The following WARS2 variants were observed in gnomAD, a reference collection of about 807,000 sequenced individuals.
WARS2 encodes tryptophan--tRNA ligase, mitochondrial.
In WARS2, 28 loss-of-function variants were observed where a neutral mutation model predicts 36.5. The ratio of observed to expected loss-of-function variants is 0.77; its 90% CI spans 0.57 to 1.05. The LOEUF (loss-of-function observed/expected upper bound fraction) is 1.05. Ranked by LOEUF, WARS2 falls within the 50% of genes least tolerant of loss-of-function variation. The pLI, the probability that WARS2 is intolerant of heterozygous loss-of-function variation, is 0.00. For synonymous variants in WARS2, 174 were observed against 178.4 expected (o/e 0.98, Z 0.20); for missense variants, 435 against 456.8 (o/e 0.95, Z 0.44).
chr1:119,116,352 G>A (rs1363739725), intron 1 of WARS2, among the ~76,000 whole-genome samples: 1 of 152,076 alleles, frequency 6.6e-6, no homozygotes, highest in African/African-American at 2.4e-5. Flanking sequence ...GAGTTGTTAG[G>A]GAGAAAAAAA....
intron 3 of WARS2, among the ~76,000 whole-genome samples, chr1:119,045,204 C>A (rs937348961): frequency 4.6e-5 from 7 of 152,168 alleles, no homozygotes; most frequent in Non-Finnish European, 1.0e-4. Flanking sequence ...CTTCTCTCCA[C>A]AATGAAAACA....
chr1:119,117,524 A>G (rs1655051707), intron 1 of WARS2, among the ~76,000 whole-genome samples: 2 of 152,208 alleles, frequency 1.3e-5, no homozygotes. Context: ...CTAATAGCAG[A>G]ACAACCCTGC....
At chr1:119,133,592 A>C (rs1413142726) in intron 1 of WARS2, among the ~76,000 whole-genome samples, 1 of 152,226 alleles carries the variant, frequency 6.6e-6, no homozygotes, top group Non-Finnish European at 1.5e-5. Flanking sequence ...TAAATGAGTT[A>C]ATGAATGTCA....
chr1:119,060,015 A>G (rs996119303), intron 2 of WARS2, among the ~76,000 whole-genome samples: 17 of 152,218 alleles, frequency 1.1e-4, no homozygotes, highest in Non-Finnish European at 1.5e-5. Context: ...TGATGAAATA[A>G]TCTGTACACC....
At chr1:119,137,621 C>A (rs1407909278) in intron 1 of WARS2, among the ~76,000 whole-genome samples, 1 of 152,172 alleles carries the variant, frequency 6.6e-6, no homozygotes, top group Non-Finnish European at 1.5e-5. Context: ...TGATGACAGG[C>A]TTAAATTTAC....
chr1:119,097,703 C>T (rs188609803), intron 1 of WARS2, among the ~76,000 whole-genome samples: 43 of 152,276 alleles, frequency 2.8e-4, no homozygotes, highest in Non-Finnish European at 4.9e-4. Context: ...CCTCGCCAGC[C>T]AGTGAAATCC....
intron 1 of WARS2, among the ~76,000 whole-genome samples, chr1:119,097,195 CTTTG>C (rs1212708487): frequency 1.3e-5 from 2 of 152,092 alleles, no homozygotes; most frequent in East Asian, 1.9e-4. Context: ...AAGTGATTTT[CTTTG>C]TTTATTTTCT....
At chr1:119,061,639 A>G (rs1650390130) in intron 2 of WARS2, among the ~76,000 whole-genome samples, 1 of 152,160 alleles carries the variant, frequency 6.6e-6, no homozygotes, top group Non-Finnish European at 1.5e-5. Flanking sequence ...TTATTTTTAC[A>G]GCATTAAAGT....
chr1:119,098,898 G>A (rs777041065), intron 1 of WARS2, among the ~76,000 whole-genome samples: 1 of 151,836 alleles, frequency 6.6e-6, no homozygotes, highest in Non-Finnish European at 1.5e-5. Flanking sequence ...CACCATGCCC[G>A]GCTAATTTTT....
chr1:119,057,286 C>T (rs1571289801), intron 2 of WARS2, among the ~76,000 whole-genome samples: 1 of 151,902 alleles, frequency 6.6e-6, no homozygotes, highest in African/African-American at 2.4e-5. Context: ...GCTGGGACTA[C>T]AAGTGCACAC....
intron 1 of WARS2, among the ~76,000 whole-genome samples, chr1:119,129,757 TTCTC>T (rs1383150510): frequency 2.0e-5 from 3 of 152,106 alleles, no homozygotes; most frequent in East Asian, 3.9e-4. Context: ...ATAAATCCCA[TTCTC>T]TCTAACAGAT....
At chr1:119,074,330 A>T (rs767353513) in intron 2 of WARS2, among the ~76,000 whole-genome samples, 1 of 152,234 alleles carries the variant, frequency 6.6e-6, no homozygotes, top group Non-Finnish European at 1.5e-5. Flanking sequence ...ACGGGGTAAG[A>T]TACAAATGGT....
intron 1 of WARS2, chr1:119,084,921 T>C (rs1331628124): frequency 2.0e-5 from 7 of 345,722 alleles, no homozygotes; most frequent in South Asian, 1.0e-4. Flanking sequence ...GATACAAAAA[T>C]AGTAACAATC....
chr1:119,071,971 GAAGAAA>G lies in WARS2; in HGVS notation c.348+4373_348+4378del, dbSNP rs1651351033. On this transcript the variant is annotated intron_variant, in intron 2 of 5. Transcript: ENST00000235521. ...TCTTCCTAGCATTGCCTGTTAAAAAGAAGAAAAAGAAAAAAAGACTTTTTTTCTTGA... is the reference window on the plus strand; with the variant it reads ...TCTTCCTAGCATTGCCTGTTAAAAAGAAGAAAAAAAGACTTTTTTTCTTGA... Among the ~76,000 whole-genome samples, 7 of 152,028 alleles carry G rather than the reference GAAGAAA, an allele frequency of 4.6e-5. No homozygotes were observed. The South Asian group carries it at 1.5e-3, about 32-fold the overall frequency.
At chr1:119,042,101 A>G (rs1044757641) in intron 4 of WARS2, among the ~76,000 whole-genome samples, 163 bp downstream of exon 4, 2 of 152,222 alleles carry the variant, frequency 1.3e-5, no homozygotes, top group African/African-American at 4.8e-5. Flanking sequence ...GTAGAAACAT[A>G]CTTCTATAAT....
chr1:119,041,931 G>A (rs1431746175), intron 4 of WARS2, among the ~76,000 whole-genome samples: 1 of 152,084 alleles, frequency 6.6e-6, no homozygotes, highest in Non-Finnish European at 1.5e-5. Context: ...GTAAAATCGG[G>A]ACAATAAGAG....
chr1:119,126,504 G>A, intron 1 of WARS2: 2 of 463,348 alleles, frequency 4.3e-6, no homozygotes, highest in Non-Finnish European at 7.8e-6. Flanking sequence ...TTCACAAATA[G>A]GACTTTTTAT....
At chr1:119,075,569 T>C (rs1172973771) in intron 2 of WARS2, among the ~76,000 whole-genome samples, 2 of 152,178 alleles carry the variant, frequency 1.3e-5, no homozygotes, top group African/African-American at 2.4e-5. Context: ...TCAAGGAAGG[T>C]TGCATATATA....
intron 2 of WARS2, among the ~76,000 whole-genome samples, chr1:119,054,436 T>C (rs1411859086): frequency 3.3e-5 from 5 of 152,118 alleles, no homozygotes; most frequent in African/African-American, 1.2e-4. Flanking sequence ...TAACTAGAAC[T>C]CTTGTATACT....
Sources: gnomAD v4.1 joint callset for allele counts (sites outside exome capture counted in the v4.1 genomes callset) on GRCh38, gnomAD v4.1.1 for gene constraint, MANE v1.5 for transcripts, NCBI Gene and HGNC (gene_info 2026-07-23, HGNC 2026-07-21) for gene names.